LRRC7: variants seen among roughly 807,000 people sequenced by gnomAD.
LRRC7 encodes leucine-rich repeat-containing protein 7.
LRRC7 carries 23 observed loss-of-function variants against 175.7 expected under a neutral mutation model. The observed-to-expected ratio is 0.13, with a 90% CI of 0.09 to 0.19. The LOEUF is 0.19. Among genes scored for constraint, LRRC7 ranks in the 10% least tolerant of loss-of-function variants. The pLI is 1.00. For missense variants in LRRC7, 1,354 were observed against 1,904.7 expected, an observed-to-expected ratio of 0.71 and a Z score of 5.38; for synonymous variants, 685 against 680.9, an observed-to-expected ratio of 1.01 and a Z score of -0.09.
chr1:69,970,446 T>C (rs1350318717), intron 8 of LRRC7, among the ~76,000 whole-genome samples: 1 of 151,948 alleles, frequency 6.6e-6, no homozygotes, highest in Admixed American at 6.6e-5. Context: ...AAACGAGAGA[T>C]ATTACAACTG....
chr1:70,047,916 G>A (rs955456028), intron 22 of LRRC7, among the ~76,000 whole-genome samples: 2 of 151,770 alleles, frequency 1.3e-5, no homozygotes, highest in African/African-American at 4.8e-5. Context: ...AGAACATTTA[G>A]AACATATAAA....
intron 7 of LRRC7, among the ~76,000 whole-genome samples, chr1:69,877,403 T>C (rs977310342): frequency 3.3e-5 from 5 of 152,060 alleles, no homozygotes; most frequent in African/African-American, 1.2e-4. Flanking sequence ...CAATGAGCTA[T>C]GATCACACCA....
intron 8 of LRRC7, among the ~76,000 whole-genome samples, chr1:69,934,799 T>G (rs1222862505): frequency 6.6e-6 from 1 of 152,122 alleles, no homozygotes; most frequent in East Asian, 1.9e-4. Context: ...TCATCCTCTT[T>G]GCTGACCATG....
rs1659541675 is a variant in LRRC7, at chr1:70,038,446, G to T, written c.2622G>T (p.Val874=). The T allele has an allele frequency of 6.2e-7, 1 of 1,613,992 alleles. No homozygotes were observed. The highest frequency in any genetic ancestry group is 8.5e-7 in the Non-Finnish European group (1 of 1,180,006). The part of the protein sequence containing the change: ...STHRHTPETE[V]PPSNPWQNWT... ...ACAGACACACACCAGAAACAGAAGT[G>T]CCTCCTTCCAATCCTTGGCAGAATT... The change falls in exon 21 of 27, where the codon GTG becomes GTT. Residue 874 remains valine (V), a synonymous_variant. Transcript: ENST00000651989.
At chr1:69,683,635 C>CA (rs1557595695) in intron 2 of LRRC7, among the ~76,000 whole-genome samples, 1 of 151,210 alleles carries the variant, frequency 6.6e-6, no homozygotes, top group Admixed American at 6.6e-5. Context: ...AGTTTGCCTT[C>CA]AAAAATAATA....
At chr1:69,656,559 G>A (rs1656636471) in intron 1 of LRRC7, among the ~76,000 whole-genome samples, 1 of 151,818 alleles carries the variant, frequency 6.6e-6, no homozygotes, top group Admixed American at 6.6e-5. Context: ...ACATATTTTG[G>A]GGAACCTTCT....
chr1:70,012,242 A>G (rs575654472), intron 12 of LRRC7, among the ~76,000 whole-genome samples: 122 of 152,008 alleles, frequency 8.0e-4, no homozygotes, highest in Non-Finnish European at 1.6e-3. Flanking sequence ...AATATTTTGG[A>G]GTAATTACAT....
At chr1:69,824,208 A>G (rs934846096) in intron 4 of LRRC7, among the ~76,000 whole-genome samples, 1 of 152,158 alleles carries the variant, frequency 6.6e-6, no homozygotes. Flanking sequence ...AGCAGCATGC[A>G]ATGAGCCCAG....
At chr1:70,015,309 CTT>C (rs1656869918) in intron 13 of LRRC7, among the ~76,000 whole-genome samples, 1 of 151,906 alleles carries the variant, frequency 6.6e-6, no homozygotes, top group African/African-American at 2.4e-5. Flanking sequence ...CTTTCAATCT[CTT>C]TTCATATTTA....
At chr1:69,951,320 A>G (rs1649899991) in intron 8 of LRRC7, among the ~76,000 whole-genome samples, 1 of 152,096 alleles carries the variant, frequency 6.6e-6, no homozygotes, top group Non-Finnish European at 1.5e-5. Flanking sequence ...AAAAAAGGGA[A>G]CACTTATACA....
chr1:70,063,689 CA>C (rs1247746631), intron 23 of LRRC7, among the ~76,000 whole-genome samples: 2 of 152,000 alleles, frequency 1.3e-5, no homozygotes, highest in African/African-American at 4.8e-5. Context: ...AAATTGTTGT[CA>C]AACTTTTATC....
intron 1 of LRRC7, among the ~76,000 whole-genome samples, chr1:69,596,431 T>C (rs191287556): frequency 8.8e-4 from 134 of 152,304 alleles, no homozygotes; most frequent in African/African-American, 3.0e-3. Context: ...ATAATACTTA[T>C]TTCTTCACAG....
At chr1:69,810,898 G>T (rs1677765936) in intron 4 of LRRC7, among the ~76,000 whole-genome samples, 1 of 152,110 alleles carries the variant, frequency 6.6e-6, no homozygotes, top group Admixed American at 6.5e-5. Flanking sequence ...AAAAGCAGTG[G>T]CAACAAAAGC....
At chr1:70,094,971 A>T (rs1366982173) in intron 25 of LRRC7, among the ~76,000 whole-genome samples, 1 of 152,222 alleles carries the variant, frequency 6.6e-6, no homozygotes, top group Admixed American at 6.5e-5. Flanking sequence ...TCCATATAGC[A>T]TAAGATGTAT....
intron 7 of LRRC7, among the ~76,000 whole-genome samples, chr1:69,888,726 A>G (rs975904599): frequency 6.6e-6 from 1 of 152,180 alleles, no homozygotes; most frequent in Admixed American, 6.5e-5. Flanking sequence ...AATCTAAAAA[A>G]AAAACAGACA....
chr1:70,004,523 A>G (rs1448568849), intron 11 of LRRC7, among the ~76,000 whole-genome samples: 1 of 152,166 alleles, frequency 6.6e-6, no homozygotes, highest in Non-Finnish European at 1.5e-5. Context: ...ACACGTGGTT[A>G]AGTACTGCTG....
At chr1:69,571,605 T>G (rs1024389349) in intron 1 of LRRC7, among the ~76,000 whole-genome samples, 1 of 152,190 alleles carries the variant, frequency 6.6e-6, no homozygotes, top group Non-Finnish European at 1.5e-5. Flanking sequence ...AAACTTGGTC[T>G]TGTTAATCAC....
intron 7 of LRRC7, among the ~76,000 whole-genome samples, chr1:69,869,893 G>GC (rs1193020378): frequency 6.6e-6 from 1 of 152,148 alleles, no homozygotes; most frequent in Non-Finnish European, 1.5e-5. Flanking sequence ...ATAAAGCATG[G>GC]CATGTGTATG....
intron 8 of LRRC7, among the ~76,000 whole-genome samples, chr1:69,937,520 G>C (rs900799692): frequency 6.6e-6 from 1 of 151,918 alleles, no homozygotes; most frequent in South Asian, 2.1e-4. Flanking sequence ...TCATGATCAT[G>C]ATCTTCTATA....
Sources: gnomAD v4.1 joint callset for allele counts (sites outside exome capture counted in the v4.1 genomes callset) on GRCh38, gnomAD v4.1.1 for gene constraint, MANE v1.5 for transcripts, NCBI Gene and HGNC (gene_info 2026-07-23, HGNC 2026-07-21) for gene names.